The following PTPRD variants were observed in gnomAD, a reference collection of about 807,000 sequenced individuals.
The protein encoded by PTPRD is receptor-type tyrosine-protein phosphatase delta.
A neutral mutation model predicts 214.5 loss-of-function variants in PTPRD; 34 were observed. The ratio of observed to expected loss-of-function variants is 0.16; its 90% CI spans 0.12 to 0.21. The LOEUF (loss-of-function observed/expected upper bound fraction) is 0.21, where lower values mean the gene tolerates loss of function less well. Among genes scored for constraint, PTPRD ranks in the 10% least tolerant of loss-of-function variants. The pLI is 1.00. For synonymous variants in PTPRD, 1,128 were observed against 845.7 expected (o/e 1.33, Z -5.79); for missense variants, 2,545 against 2,398.7 (o/e 1.06, Z -1.27).
intron 3 of PTPRD, among the ~76,000 whole-genome samples, chr9:10,051,951 G>A (rs748509226): frequency 3.3e-5 from 5 of 151,722 alleles, no homozygotes; most frequent in Non-Finnish European, 7.4e-5. Flanking sequence ...CTCTCTTTTT[G>A]TTTTTGTTTT....
chr9:9,869,792 C>G (rs2064962260), intron 5 of PTPRD, among the ~76,000 whole-genome samples: 1 of 150,848 alleles, frequency 6.6e-6, no homozygotes, highest in African/African-American at 2.4e-5. Flanking sequence ...AAAAAAAATA[C>G]AGAGGAAAAG....
intron 8 of PTPRD, among the ~76,000 whole-genome samples, chr9:9,501,468 C>CTA (rs1345044703): frequency 6.6e-6 from 1 of 151,700 alleles, no homozygotes; most frequent in Non-Finnish European, 1.5e-5. Context: ...GTTTAAATAT[C>CTA]TATAAAAATG....
chr9:10,562,143 G>A (rs2064149001), intron 2 of PTPRD, among the ~76,000 whole-genome samples: 1 of 151,978 alleles, frequency 6.6e-6, no homozygotes, highest in African/African-American at 2.4e-5. Flanking sequence ...TCCTATATGT[G>A]AGACATCCAT....
intron 11 of PTPRD, among the ~76,000 whole-genome samples, chr9:8,805,176 G>T (rs12001228): frequency 0.043 from 6,615 of 152,146 alleles, 477 homozygotes; most frequent in African/African-American, 0.15. Context: ...TCCTTTTGTG[G>T]GCCTAGCCCC....
chr9:9,797,745 G>A (rs570722721), intron 5 of PTPRD, among the ~76,000 whole-genome samples: 48 of 152,202 alleles, frequency 3.2e-4, no homozygotes, highest in African/African-American at 1.1e-3. Context: ...ACTCGGGGGG[G>A]GCTGAGGCAG....
At chr9:8,726,469 C>T (rs1266904396) in intron 12 of PTPRD, among the ~76,000 whole-genome samples, 5 of 147,488 alleles carry the variant, frequency 3.4e-5, no homozygotes, top group Admixed American at 6.8e-5. Flanking sequence ...TGGTGGCTAA[C>T]GCCTATAATT....
chr9:10,194,377 G>T lies in PTPRD; in HGVS notation c.-545+146586C>A, dbSNP rs1157641894. On this transcript the variant is annotated intron_variant, in intron 3 of 45. Coordinates refer to ENST00000381196, the MANE Select transcript of PTPRD (RefSeq NM_002839.4). ...AGAGAGAGAGAGAGAGAGAGAGAGA[G>T]AGAGAGAGAGAGAGAGAGAGAGCTA... Among the ~76,000 whole-genome samples the T allele has an allele frequency of 4.0e-3, 368 of 91,588 alleles. 5 individuals carry two copies. Among genetic ancestry groups the T allele is most frequent in the East Asian group, 0.011 (30 of 2,802 alleles). The allele number at this position is 91,588 out of a possible 152,430, so 60.1% of individuals were successfully genotyped here. A position where few individuals can be genotyped will look rare whatever the true frequency, so the allele number is the denominator to read the frequency against.
intron 3 of PTPRD, among the ~76,000 whole-genome samples, chr9:10,088,369 TAA>T (rs2098383216): frequency 1.3e-5 from 2 of 151,752 alleles, no homozygotes; most frequent in African/African-American, 2.4e-5. Context: ...CTTCAATATA[TAA>T]GACTTTCATG....
chr9:10,151,207 C>T (rs1442145503), intron 3 of PTPRD, among the ~76,000 whole-genome samples: 1 of 134,516 alleles, frequency 7.4e-6, no homozygotes, highest in African/African-American at 2.8e-5. Flanking sequence ...ATTACAGGCA[C>T]ATGCCACCAT....
intron 37 of PTPRD, among the ~76,000 whole-genome samples, chr9:8,382,903 G>A (rs1195180517): frequency 6.6e-6 from 1 of 152,208 alleles, no homozygotes; most frequent in East Asian, 1.9e-4. Flanking sequence ...GGCGCTTCCA[G>A]TTCCATTTGG....
At chr9:8,730,427 G>C (rs1598213110) in intron 12 of PTPRD, among the ~76,000 whole-genome samples, 1 of 152,160 alleles carries the variant, frequency 6.6e-6, no homozygotes, top group Admixed American at 6.5e-5. Context: ...ATTATGAAGA[G>C]TGTGTCTCTA....
chr9:9,470,137 T>C (rs1412699690), intron 8 of PTPRD, among the ~76,000 whole-genome samples: 1 of 152,206 alleles, frequency 6.6e-6, no homozygotes, highest in Admixed American at 6.5e-5. Flanking sequence ...GTGGGTTGAA[T>C]GAACTAGTGG....
At chr9:9,678,424 A>T (rs929548081) in intron 7 of PTPRD, among the ~76,000 whole-genome samples, 2 of 152,080 alleles carry the variant, frequency 1.3e-5, no homozygotes, top group African/African-American at 4.8e-5. Context: ...GCATATCTAC[A>T]ACCATCTGAT....
intron 3 of PTPRD, among the ~76,000 whole-genome samples, chr9:10,176,542 C>A (rs1363343949): frequency 6.6e-6 from 1 of 151,930 alleles, no homozygotes; most frequent in African/African-American, 2.4e-5. Flanking sequence ...AATCCTAAAT[C>A]TCAGGGTACT....
chr9:10,284,052 A>G (rs1272137304), intron 3 of PTPRD, among the ~76,000 whole-genome samples: 2 of 152,062 alleles, frequency 1.3e-5, no homozygotes, highest in African/African-American at 4.8e-5. Flanking sequence ...GACTAGATGC[A>G]CTCTCTGCTC....
chr9:8,860,488 CTGAGTTATT>C (rs1349978630), intron 11 of PTPRD: 5 of 152,144 alleles, frequency 3.3e-5, no homozygotes, highest in Non-Finnish European at 5.9e-5. Context: ...ACTGGAGAGT[CTGAGTTATT>C]ATTATACCAA....
chr9:8,586,101 A>G (rs1425829309), intron 14 of PTPRD, among the ~76,000 whole-genome samples: 1 of 152,200 alleles, frequency 6.6e-6, no homozygotes, highest in Non-Finnish European at 1.5e-5. Context: ...GGAGATAGAG[A>G]CCAGCCTGGC....
intron 11 of PTPRD, among the ~76,000 whole-genome samples, chr9:8,745,142 A>C (rs940112976): frequency 3.3e-5 from 5 of 152,308 alleles, no homozygotes; most frequent in Middle Eastern, 3.4e-3. Flanking sequence ...AGAAGAAAAA[A>C]ATAACATCAT....
intron 4 of PTPRD, among the ~76,000 whole-genome samples, chr9:9,975,966 G>A (rs1332754372): frequency 6.6e-6 from 1 of 152,176 alleles, no homozygotes; most frequent in Non-Finnish European, 1.5e-5. Flanking sequence ...CTGAAAAGCA[G>A]TAGAAGGCAT....
Sources: allele counts gnomAD v4.1 joint callset (sites outside exome capture counted in the v4.1 genomes callset), GRCh38; gene constraint gnomAD v4.1.1; transcripts MANE v1.5; gene names NCBI Gene and HGNC (gene_info 2026-07-23, HGNC 2026-07-21).